TENM1: variants seen among roughly 807,000 people sequenced by gnomAD.
TENM1 encodes teneurin transmembrane protein 1.
Under a neutral mutation model 174.8 loss-of-function variants are expected in TENM1, and 35 were observed. The observed-to-expected ratio is 0.20, with a 90% CI of 0.15 to 0.27. TENM1 has a LOEUF of 0.27. Among genes scored for constraint, TENM1 ranks in the 10% least tolerant of loss-of-function variants. The pLI, the probability that TENM1 is intolerant of heterozygous loss-of-function variation, is 1.00. For missense variants in TENM1, 1,633 were observed against 2,130.1 expected (o/e 0.77, Z 4.59); for synonymous variants, 781 against 798.7 (o/e 0.98, Z 0.37).
At chrX:125,200,083 T>G in the TENM1 span, among the ~76,000 whole-genome samples, 1 of 111,914 alleles carries the variant, frequency 8.9e-6, no homozygotes, top group East Asian at 2.8e-4. Flanking sequence ...AAGCCTTTTA[T>G]AGCATTCACC....
intron 5 of TENM1, among the ~76,000 whole-genome samples, chrX:124,674,303 CAAAAAAA>C (rs745969451): frequency 3.0e-4 from 5 of 16,621 alleles, no homozygotes; most frequent in African/African-American, 4.2e-4. Context: ...TATCAAAAGG[CAAAAAAA>C]AAAAAAAAAA....
chrX:124,795,872 C>A (rs1214317695), intron 3 of TENM1, among the ~76,000 whole-genome samples: 1 of 110,775 alleles, frequency 9.0e-6, no homozygotes, highest in African/African-American at 3.3e-5. Context: ...CTGAAAATGG[C>A]CTGAAAAAGC....
the TENM1 span, among the ~76,000 whole-genome samples, chrX:124,992,142 C>G: frequency 9.0e-6 from 1 of 111,195 alleles, no homozygotes; most frequent in Non-Finnish European, 1.9e-5. Flanking sequence ...CTGAAGCATG[C>G]TCAACATGCT....
intron 11 of TENM1, among the ~76,000 whole-genome samples, chrX:124,616,986 G>T (rs2050412903): frequency 9.0e-6 from 1 of 111,531 alleles, no homozygotes; most frequent in Non-Finnish European, 1.9e-5. Flanking sequence ...ATCTAACAAG[G>T]GTAAGTGATC....
chrX:125,177,211 G>C, the TENM1 span, among the ~76,000 whole-genome samples: 4 of 112,196 alleles, frequency 3.6e-5, no homozygotes, highest in Admixed American at 3.8e-4. Context: ...TACACACAGT[G>C]ACATGCTCAA....
At chrX:125,053,988 G>A in the TENM1 span, among the ~76,000 whole-genome samples, 12,123 of 111,461 alleles carry the variant, frequency 0.11, 1,624 homozygotes, top group African/African-American at 0.37. Flanking sequence ...TGCTTAAAAA[G>A]TAAAAGGTAA....
At chrX:124,728,529 A>G (rs1055963433) in intron 4 of TENM1, among the ~76,000 whole-genome samples, 1 of 111,568 alleles carries the variant, frequency 9.0e-6, no homozygotes. Context: ...GTATCACCTC[A>G]TGATTTTAGA....
chrX:124,386,680 T>C (rs2060223201), intron 28 of TENM1, among the ~76,000 whole-genome samples: 1 of 110,856 alleles, frequency 9.0e-6, no homozygotes, highest in East Asian at 2.8e-4. Context: ...TGGATTCAAG[T>C]ATGTTGGCAA....
At chrX:124,631,183 A>T (rs2050747355) in intron 11 of TENM1, among the ~76,000 whole-genome samples, 1 of 112,220 alleles carries the variant, frequency 8.9e-6, no homozygotes, top group African/African-American at 3.2e-5. Flanking sequence ...TATATAAAAT[A>T]ACCATGTTTC....
chrX:124,566,307 C>T (rs999109304), intron 11 of TENM1, among the ~76,000 whole-genome samples: 1 of 112,222 alleles, frequency 8.9e-6, no homozygotes, highest in African/African-American at 3.2e-5. Flanking sequence ...AGTACACATC[C>T]TTCTTATCTT....
chrX:125,189,037 C>CA, the TENM1 span, among the ~76,000 whole-genome samples: 1 of 111,918 alleles, frequency 8.9e-6, no homozygotes, highest in Non-Finnish European at 1.9e-5. Flanking sequence ...AGGAGGCTAG[C>CA]AAAAAATGCT....
the TENM1 span, among the ~76,000 whole-genome samples, chrX:125,118,023 T>C: frequency 4.5e-5 from 5 of 111,839 alleles, no homozygotes; most frequent in African/African-American, 1.6e-4. Flanking sequence ...ATATACACCA[T>C]GGAATACTGC....
intron 23 of TENM1, among the ~76,000 whole-genome samples, chrX:124,446,733 C>A (rs1483514941): frequency 8.9e-6 from 1 of 112,609 alleles, no homozygotes; most frequent in Non-Finnish European, 1.9e-5. Flanking sequence ...TGTGGAGACA[C>A]CTTTGTGGAG....
intron 10 of TENM1, among the ~76,000 whole-genome samples, chrX:124,644,413 G>T (rs891188129): frequency 1.2e-4 from 13 of 109,307 alleles, no homozygotes; most frequent in Admixed American, 1.1e-3. Context: ...CAACAGTTAT[G>T]ATGAGACCAT....
At chrX:125,071,390 A>G in the TENM1 span, among the ~76,000 whole-genome samples, 1 of 111,758 alleles carries the variant, frequency 8.9e-6, no homozygotes, top group African/African-American at 3.2e-5. Flanking sequence ...ATTCATCCCA[A>G]TCTCCTACTT....
intron 23 of TENM1, among the ~76,000 whole-genome samples, chrX:124,449,784 C>T (rs2061008423): frequency 9.0e-6 from 1 of 111,657 alleles, no homozygotes; most frequent in South Asian, 3.8e-4. Context: ...CCCAACTCCC[C>T]ATTTCACTTT....
chrX:124,900,885 G>A (rs142725726), intron 1 of TENM1, among the ~76,000 whole-genome samples: 2,770 of 105,954 alleles, frequency 0.026, 89 homozygotes, highest in African/African-American at 0.091. Context: ...TCCACTTCCC[G>A]GGTTCAAGTG....
At chrX:124,702,646 T>C (rs2148490347) in intron 5 of TENM1, among the ~76,000 whole-genome samples, 1 of 112,242 alleles carries the variant, frequency 8.9e-6, no homozygotes, top group East Asian at 2.8e-4. Context: ...TTTACTTCAG[T>C]GCTAGAAGAG....
chrX:124,584,052 C>T (rs1245620214), intron 11 of TENM1, among the ~76,000 whole-genome samples: 1 of 109,797 alleles, frequency 9.1e-6, no homozygotes, highest in Non-Finnish European at 1.9e-5. Flanking sequence ...ACCAAATCTA[C>T]GTCTGATTGG....
Sources: gnomAD v4.1 joint callset for allele counts (sites outside exome capture counted in the v4.1 genomes callset) on GRCh38, gnomAD v4.1.1 for gene constraint, MANE v1.5 for transcripts, NCBI Gene and HGNC (gene_info 2026-07-23, HGNC 2026-07-21) for gene names.